UGT1A10: variants seen among roughly 807,000 people sequenced by gnomAD.
UGT1A10 encodes UDP glucuronosyltransferase family 1 member A10.
In UGT1A10, 49 loss-of-function variants were observed where a neutral mutation model predicts 45.8. The observed-to-expected ratio is 1.07, with a 90% CI of 0.85 to 1.36. UGT1A10 has a LOEUF of 1.36. UGT1A10 is among the 40% of genes most tolerant of loss of function. The pLI, the probability that UGT1A10 is intolerant of heterozygous loss-of-function variation, is 0.00. For synonymous variants in UGT1A10, 284 were observed against 249.7 expected (o/e 1.14, Z -1.29); for missense variants, 745 against 668.6 (o/e 1.11, Z -1.26).
At chr2:233,668,861 A>G (rs533936990) in intron 1 of UGT1A10, among the ~76,000 whole-genome samples, 1 of 152,182 alleles carries the variant, frequency 6.6e-6, no homozygotes, top group Non-Finnish European at 1.5e-5. Flanking sequence ...ACATTTACTC[A>G]TCACATTTGT....
intron 1 of UGT1A10, chr2:233,692,920 GT>G: frequency 6.4e-7 from 1 of 1,571,834 alleles, no homozygotes; most frequent in Non-Finnish European, 8.6e-7. Flanking sequence ...AAAAGCAGTG[GT>G]TAGTTTAGGG....
chr2:233,733,997 C>T (rs1054859436), intron 1 of UGT1A10, among the ~76,000 whole-genome samples: 1 of 151,958 alleles, frequency 6.6e-6, no homozygotes, highest in African/African-American at 2.4e-5. Context: ...AGGAGATATA[C>T]CTAATGTTAA....
intron 1 of UGT1A10, among the ~76,000 whole-genome samples, chr2:233,641,937 T>C (rs1367939679): frequency 6.6e-6 from 1 of 152,216 alleles, no homozygotes; most frequent in Non-Finnish European, 1.5e-5. Flanking sequence ...GAATCTTTTC[T>C]TTATCCTTGA....
chr2:233,720,767 C>T (rs550051357), intron 1 of UGT1A10, among the ~76,000 whole-genome samples: 21 of 150,960 alleles, frequency 1.4e-4, no homozygotes, highest in African/African-American at 4.9e-4. Flanking sequence ...GGGCAGTGGC[C>T]GGATCTCCGC....
At chr2:233,771,760 C>T (rs1700368197) in intron 4 of UGT1A10, 1 of 153,596 alleles carries the variant, frequency 6.5e-6, no homozygotes, top group Non-Finnish European at 1.4e-5. Context: ...CCCTTCCTTC[C>T]TCCGTCCCTC....
intron 1 of UGT1A10, among the ~76,000 whole-genome samples, chr2:233,730,722 G>C (rs2078066355): frequency 6.6e-6 from 1 of 152,104 alleles, no homozygotes; most frequent in Admixed American, 6.6e-5. Flanking sequence ...AAATTATCAA[G>C]AAATGGCGGA....
chr2:233,767,857 G>C lies in UGT1A10; in HGVS notation c.996G>C (p.Trp332Cys). The C allele has an allele frequency of 6.2e-7, 1 of 1,614,112 alleles. No individual in the cohort carries two copies. Among genetic ancestry groups the C allele is most frequent in the Non-Finnish European group, 8.5e-7 (1 of 1,180,034 alleles). The change falls in exon 3 of 5, where the codon TGG becomes TGC. Residue 332 changes from tryptophan to cysteine, a missense_variant. By Grantham distance (215) the Trp-to-Cys change is radical (BLOSUM62 -2). Transcript: ENST00000344644. ...ALGKIPQTVL[W>C]RYTGTRPSNL... The stretch of plus-strand genomic sequence containing the variant: ...CTTTTTGCCCCTCCCAGGTCCTGTG[G>C]CGGTACACTGGAACCCGACCATCGA...
intron 1 of UGT1A10, among the ~76,000 whole-genome samples, chr2:233,670,041 G>A (rs2074150507): frequency 6.6e-6 from 1 of 152,146 alleles, no homozygotes; most frequent in South Asian, 2.1e-4. Flanking sequence ...CTGTGCACTA[G>A]AAGCCTTACC....
At chr2:233,749,420 T>C (rs1003222005) in intron 1 of UGT1A10, among the ~76,000 whole-genome samples, 1 of 151,886 alleles carries the variant, frequency 6.6e-6, no homozygotes, top group Admixed American at 6.5e-5. Flanking sequence ...ACTACATTGC[T>C]CAAAACTTCA....
rs753135501 is a variant in UGT1A10 at position 233,713,577 on chromosome 2, A to G, written c.856-53457A>G. 3.1e-6 allele frequency: 5 copies of G among 1,613,836 alleles called. No homozygotes were observed. The African/African-American group carries it at 5.3e-5, about 17-fold the overall frequency. ...TCCAAACCCTTCCTCCTATATTCCTAGATTACTAACGACCAATTCAGACCA... is the reference window on the plus strand; with the variant it reads ...TCCAAACCCTTCCTCCTATATTCCTGGATTACTAACGACCAATTCAGACCA... On this transcript the variant is annotated intron_variant, in intron 1 of 4. Coordinates refer to ENST00000344644, the MANE Select transcript of UGT1A10 (RefSeq NM_019075.4).
chr2:233,744,670 C>T (rs1462469986), intron 1 of UGT1A10, among the ~76,000 whole-genome samples: 1 of 151,906 alleles, frequency 6.6e-6, no homozygotes, highest in Non-Finnish European at 1.5e-5. Flanking sequence ...TGATATTACA[C>T]ATCACCCATG....
intron 1 of UGT1A10, among the ~76,000 whole-genome samples, chr2:233,658,335 G>A (rs1277120270): frequency 1.3e-5 from 2 of 152,062 alleles, no homozygotes; most frequent in Middle Eastern, 3.2e-3. Context: ...ATGGTTAAAT[G>A]TTACGTTACT....
At chr2:233,755,407 G>A (rs1260827425) in intron 1 of UGT1A10, 10 of 333,228 alleles carry the variant, frequency 3.0e-5, no homozygotes, top group Non-Finnish European at 4.1e-5. Context: ...CTCATTGGCC[G>A]AGGCCTGTGA....
intron 1 of UGT1A10, among the ~76,000 whole-genome samples, chr2:233,689,008 T>C (rs1007818083): frequency 1.3e-5 from 2 of 152,220 alleles, no homozygotes. Context: ...GTCTCTTTAC[T>C]TCATAAACAT....
At chr2:233,729,773 AC>A (rs1344776353) in intron 1 of UGT1A10, 1 of 1,613,832 alleles carries the variant, frequency 6.2e-7, no homozygotes, top group African/African-American at 1.3e-5. Context: ...AACATGCTCT[AC>A]CCTCTGGCCC....
intron 1 of UGT1A10, among the ~76,000 whole-genome samples, chr2:233,752,970 T>C (rs1695100679): frequency 2.0e-5 from 3 of 152,220 alleles, no homozygotes; most frequent in South Asian, 2.1e-4. Context: ...ATGTAACCAA[T>C]TGTGTAGATA....
At chr2:233,676,368 G>A (rs1384579601) in intron 1 of UGT1A10, among the ~76,000 whole-genome samples, 1 of 152,134 alleles carries the variant, frequency 6.6e-6, no homozygotes, top group Non-Finnish European at 1.5e-5. Flanking sequence ...ATTATAGCAA[G>A]GTTACAACAA....
intron 1 of UGT1A10, chr2:233,755,175 G>T: frequency 8.0e-7 from 1 of 1,245,528 alleles, no homozygotes; most frequent in Non-Finnish European, 1.1e-6. Context: ...GTTTTTGTCG[G>T]GGTGCCACTT....
At chr2:233,647,731 A>T (rs574270263) in intron 1 of UGT1A10, among the ~76,000 whole-genome samples, 1 of 152,194 alleles carries the variant, frequency 6.6e-6, no homozygotes, top group African/African-American at 2.4e-5. Context: ...TGGTGATACT[A>T]CTGCTCTCAT....
Sources: gnomAD v4.1 joint callset for allele counts (sites outside exome capture counted in the v4.1 genomes callset) on GRCh38, gnomAD v4.1.1 for gene constraint, MANE v1.5 for transcripts, NCBI Gene and HGNC (gene_info 2026-07-23, HGNC 2026-07-21) for gene names.